NBR1: variants seen among roughly 807,000 people sequenced by gnomAD.
The protein encoded by NBR1 is next to BRCA1 gene 1 protein.
NBR1 carries 59 observed loss-of-function variants against 115.5 expected under a neutral mutation model. The ratio of observed to expected loss-of-function variants is 0.51; its 90% confidence interval spans 0.41 to 0.63. The LOEUF (loss-of-function observed/expected upper bound fraction) is 0.63, where lower values mean the gene tolerates loss of function less well. NBR1 is among the 30% of genes least tolerant of loss of function. NBR1 has a pLI of 0.00. For synonymous variants in NBR1, 373 were observed against 414.7 expected (o/e 0.90, Z 1.22); for missense variants, 1,043 against 1,150.5 (o/e 0.91, Z 1.35).
In NBR1 at chr17:43,193,628, G is replaced by A. The variant is rs1475823286; in HGVS notation, c.1514G>A (p.Cys505Tyr). The change falls in exon 12 of 21, where the codon TGC becomes TAC. Residue 505 changes from cysteine to tyrosine, a missense_variant. By Grantham distance (194) the Cys-to-Tyr change is radical. Transcript: ENST00000590996. ...ISSSKTDDLTCQQEETFLLAK... is the reference protein window; with the variant it reads ...ISSSKTDDLTYQQEETFLLAK... ...TCAAGCAAAACTGATGATCTCACCT[G>A]CCAGCAAGAGGTGAGCATTGACTGA... 6.2e-7 allele frequency: 1 copy of A among 1,607,660 alleles called. No homozygotes were observed. Among genetic ancestry groups the A allele is most frequent in the East Asian group, 2.2e-5 (1 of 44,740 alleles).
chr17:43,182,211 CTTT>C (rs752789312), intron 5 of NBR1, among the ~76,000 whole-genome samples: 5 of 71,572 alleles, frequency 7.0e-5, no homozygotes, highest in East Asian at 9.8e-4. Flanking sequence ...CTGTTCTCTC[CTTT>C]TTTTTTTTTT....
At chr17:43,206,191 G>GAA (rs2057314081) in intron 20 of NBR1, among the ~76,000 whole-genome samples, 2 of 147,700 alleles carry the variant, frequency 1.4e-5, no homozygotes, top group Admixed American at 1.4e-4. Flanking sequence ...AAAAAAAAAA[G>GAA]AAAAAGAAAA....
intron 10 of NBR1, among the ~76,000 whole-genome samples, chr17:43,192,114 G>A (rs1186346624): frequency 2.1e-5 from 3 of 142,156 alleles, no homozygotes; most frequent in African/African-American, 7.7e-5. Context: ...TCTGCCTCCC[G>A]GGTTCAAGTG....
rs549205179 is a variant in NBR1 at position 43,171,662 on chromosome 17, C to T, written c.-10+360C>T. Among the ~76,000 whole-genome samples, 83 of 152,308 alleles carry T rather than the reference C, an allele frequency of 5.4e-4. 1 individual carries two copies. The highest frequency in any genetic ancestry group is 1.8e-3 in the African/African-American group (75 of 41,562). ...GAAAACTGGAAGACTAGGATGAACT[C>T]TGCAAGTAAAAAAATGACACTACTT... On this transcript the variant is annotated intron_variant, in intron 1 of 20. Transcript: ENST00000590996.
At position 43,200,396 on chromosome 17, in the gene NBR1, C is replaced by T. The variant is rs1331922630; in HGVS notation, c.2256C>T (p.Ser752=). Residue 752 remains serine, a synonymous_variant, in exon 17 of 21, where the codon AGC becomes AGT. Transcript: ENST00000590996. ...GCCCCCTGGGGGATTCTATGTACAG[C>T]TCTGCGCTCTCACAGCCAGGCCTGG... ...TSRPLGDSMY[S]SALSQPGLER... 2.5e-6 allele frequency: 4 copies of T among 1,595,408 alleles called. No homozygotes were observed. In the Admixed American group the frequency reaches 5.3e-5, roughly 21 times the overall value.
At chr17:43,205,641 C>G (rs550095168) in intron 20 of NBR1, among the ~76,000 whole-genome samples, 1 of 152,112 alleles carries the variant, frequency 6.6e-6, no homozygotes, top group East Asian at 1.9e-4. Flanking sequence ...GGTTGGGAGG[C>G]CAAGGCTGGT....
intron 20 of NBR1, among the ~76,000 whole-genome samples, chr17:43,208,344 G>A (rs548745962): frequency 2.0e-5 from 3 of 152,256 alleles, no homozygotes; most frequent in African/African-American, 7.2e-5. Flanking sequence ...GTGGTGAGAG[G>A]TAATAAGATA....
Position 43,193,412 on chromosome 17 carries a change from G to A in NBR1, c.1298G>A (p.Cys433Tyr). 2 of 1,613,986 alleles carry A rather than the reference G, an allele frequency of 1.2e-6. No homozygotes were observed. Among genetic ancestry groups the A allele is most frequent in the Non-Finnish European group, 1.7e-6 (2 of 1,179,896 alleles). Residue 433 changes from cysteine (C) to tyrosine (Y), a missense_variant, in exon 12 of 21, where the codon TGC (cysteine) becomes TAC (tyrosine). Transcript: ENST00000590996. ...STEKKDVLVP[C>Y]LKAGHVGVVS... ...GAAAAGAAGGATGTTTTGGTTCCCT[G>A]CCTCAAGGCCGGCCATGTGGGAGTT...
intron 10 of NBR1, among the ~76,000 whole-genome samples, chr17:43,192,649 G>A (rs902851377): frequency 2.6e-5 from 4 of 152,202 alleles, no homozygotes; most frequent in African/African-American, 9.6e-5. Context: ...GATGACAGGC[G>A]TGAGCCACCG....
At chr17:43,181,946 T>A (rs2056677516) in intron 5 of NBR1, among the ~76,000 whole-genome samples, 1 of 150,716 alleles carries the variant, frequency 6.6e-6, no homozygotes, top group Non-Finnish European at 1.5e-5. Flanking sequence ...ATCACGCCAT[T>A]GCACTCCAGC....
At chr17:43,171,138 C>T (rs2056349502), upstream of NBR1, 1 of 152,692 alleles carries the variant, frequency 6.5e-6, no homozygotes, top group Non-Finnish European at 1.5e-5. Context: ...TTTTGAGGGA[C>T]AAGTGGTGAG....
intron 20 of NBR1, among the ~76,000 whole-genome samples, chr17:43,206,515 C>T (rs1024896717): frequency 4.0e-5 from 6 of 151,836 alleles, no homozygotes; most frequent in African/African-American, 7.2e-5. Context: ...AATTGCCGGG[C>T]GTGGTGGCAC....
Position 43,190,364 on chromosome 17 carries a change from G to T in NBR1, c.696-245G>T, listed in dbSNP as rs59166794. 2,345 of 485,778 alleles carry T rather than the reference G, an allele frequency of 4.8e-3. 41 individuals are homozygous for T. The highest frequency in any genetic ancestry group is 0.038 in the East Asian group (905 of 23,892). The allele number at this position is 485,778 out of a possible 1,614,324, so 30.1% of individuals were successfully genotyped here. A position where few individuals can be genotyped will look rare whatever the true frequency, so the allele number is the denominator to read the frequency against. On this transcript the variant is annotated intron_variant, in intron 8 of 20. Coordinates refer to ENST00000590996, the MANE Select transcript of NBR1 (RefSeq NM_005899.5). ...TGGGATTACAGACATGAGCCACTGTGCCTGGCCCCATGTACTTTCACATCT... is the reference window on the plus strand; with the variant it reads ...TGGGATTACAGACATGAGCCACTGTTCCTGGCCCCATGTACTTTCACATCT...
chr17:43,181,706 C>T (rs750607940), intron 5 of NBR1, among the ~76,000 whole-genome samples: 8 of 151,530 alleles, frequency 5.3e-5, no homozygotes, highest in East Asian at 2.0e-4. Flanking sequence ...ATATCTTGGC[C>T]GGGTGCAGTG....
In NBR1 at chr17:43,211,429, A is replaced by G. The variant is rs1020849458; in HGVS notation, c.*1355A>G. 4 of 152,650 alleles carry G rather than the reference A, an allele frequency of 2.6e-5. No homozygotes were observed. The highest frequency in any genetic ancestry group is 9.6e-5 in the African/African-American group (4 of 41,456). 9.5% of individuals were successfully genotyped at this position (152,650 alleles called of 1,614,324 possible). ...CCATAATGATGTTTATTTACAGTAT[A>G]ACTCCTGAATGCTACTTAAATAAAC... On this transcript the variant is annotated 3_prime_UTR_variant, in exon 21 of 21. Coordinates refer to ENST00000590996, the MANE Select transcript of NBR1 (RefSeq NM_005899.5).
intron 12 of NBR1, among the ~76,000 whole-genome samples, chr17:43,193,839 C>A (rs2057007298): frequency 6.6e-6 from 1 of 152,188 alleles, no homozygotes; most frequent in Non-Finnish European, 1.5e-5. Context: ...TAGGGTCTTG[C>A]TGCATACTGA....
intron 20 of NBR1, among the ~76,000 whole-genome samples, chr17:43,209,325 C>T (rs1183474777): frequency 6.6e-6 from 1 of 152,114 alleles, no homozygotes; most frequent in East Asian, 1.9e-4. Flanking sequence ...ATCCGCCCGC[C>T]TCAGCCTCCC....
chr17:43,186,166 C>G (rs2056795758), intron 5 of NBR1, 84 bp from the exon 6 acceptor site: 1 of 1,191,846 alleles, frequency 8.4e-7, no homozygotes, highest in Non-Finnish European at 1.2e-6. Flanking sequence ...ACTTACCACA[C>G]TCTTCTGTTT....
chr17:43,171,788 C>G (rs1567840612), intron 1 of NBR1, among the ~76,000 whole-genome samples: 1 of 152,082 alleles, frequency 6.6e-6, no homozygotes, highest in African/African-American at 2.4e-5. Flanking sequence ...TCCTTTTTGT[C>G]AAACACTCAG....
Sources: gnomAD v4.1 joint callset for allele counts (sites outside exome capture counted in the v4.1 genomes callset) on GRCh38, gnomAD v4.1.1 for gene constraint, MANE v1.5 for transcripts, NCBI Gene and HGNC (gene_info 2026-07-23, HGNC 2026-07-21) for gene names.